Variants in RBM33 observed in about 807,000 individuals in gnomAD.
RBM33 encodes RNA binding motif protein 33.
Under a neutral mutation model 132.6 loss-of-function variants are expected in RBM33, and 28 were observed. That is an observed-to-expected ratio of 0.21 (90% CI 0.16 to 0.29). The LOEUF is 0.29. Ranked by LOEUF, RBM33 falls within the 10% of genes least tolerant of loss-of-function variation. The probability of loss-of-function intolerance (pLI) is 1.00; values close to 1 mark genes in which losing one functional copy is unlikely to be tolerated. For synonymous variants in RBM33, 634 were observed against 593.0 expected (o/e 1.07, Z -1.01); for missense variants, 1,291 against 1,518.5 (o/e 0.85, Z 2.49).
At chr7:155,735,753 A>G (rs1045545609) in intron 9 of RBM33, among the ~76,000 whole-genome samples, 3 of 151,744 alleles carry the variant, frequency 2.0e-5, no homozygotes, top group Non-Finnish European at 4.4e-5. Flanking sequence ...CTCTCTCAGG[A>G]AAAGAGATCC....
intron 3 of RBM33, among the ~76,000 whole-genome samples, chr7:155,673,411 T>TGG (rs1563137151): frequency 0.064 from 1,331 of 20,810 alleles, 27 homozygotes; most frequent in African/African-American, 0.11. Context: ...ATTGTGTGTG[T>TGG]GTGTGTGTGT....
intron 14 of RBM33, among the ~76,000 whole-genome samples, chr7:155,757,987 C>T (rs1801906627): frequency 6.6e-6 from 1 of 152,198 alleles, no homozygotes; most frequent in Non-Finnish European, 1.5e-5. Context: ...TCACAGTCAT[C>T]CGCCCCATGA....
At chr7:155,724,991 TGTG>T (rs1476790684) in intron 9 of RBM33, among the ~76,000 whole-genome samples, 107 of 51,594 alleles carry the variant, frequency 2.1e-3, no homozygotes, top group Non-Finnish European at 3.5e-3. Flanking sequence ...TGTACAGGTT[TGTG>T]TGTGTGTGTG....
At chr7:155,768,907 C>T (rs553634748) in intron 16 of RBM33, among the ~76,000 whole-genome samples, 18 of 152,232 alleles carry the variant, frequency 1.2e-4, no homozygotes, top group Non-Finnish European at 2.1e-4. Flanking sequence ...GCCACCGCAC[C>T]CGGCTGTCAC....
chr7:155,655,431 C>A (rs1563128916), intron 1 of RBM33, among the ~76,000 whole-genome samples: 1 of 150,216 alleles, frequency 6.7e-6, no homozygotes, highest in African/African-American at 2.4e-5. Context: ...CCTTTGTTCA[C>A]TAAATGATGA....
chr7:155,676,070 A>G (rs2116916107), intron 3 of RBM33, among the ~76,000 whole-genome samples: 1 of 152,188 alleles, frequency 6.6e-6, no homozygotes, highest in South Asian at 2.1e-4. Flanking sequence ...TGGCTACCTG[A>G]ACAATTTTTT....
At chr7:155,684,606 T>C (rs1347305566) in intron 5 of RBM33, among the ~76,000 whole-genome samples, 1 of 152,190 alleles carries the variant, frequency 6.6e-6, no homozygotes, top group African/African-American at 2.4e-5. Flanking sequence ...GAGCTCCTTT[T>C]TGAGAGCACA....
chr7:155,656,646 G>A (rs1585400555), intron 1 of RBM33, among the ~76,000 whole-genome samples: 1 of 152,272 alleles, frequency 6.6e-6, no homozygotes, highest in East Asian at 1.9e-4. Context: ...GAAGCAGATA[G>A]AAGAATTCAG....
At chr7:155,693,329 T>C (rs1186896491) in intron 5 of RBM33, among the ~76,000 whole-genome samples, 2 of 85,110 alleles carry the variant, frequency 2.3e-5, no homozygotes, top group African/African-American at 3.4e-5. Flanking sequence ...GTGATTTTTT[T>C]TTCTTTTTTT....
chr7:155,696,752 A>G (rs936806292), intron 5 of RBM33, among the ~76,000 whole-genome samples: 2 of 152,122 alleles, frequency 1.3e-5, no homozygotes, highest in African/African-American at 4.8e-5. Flanking sequence ...TTTTCTCTTC[A>G]TGACCTCTCA....
chr7:155,759,108 A>G (rs1305378421), intron 14 of RBM33, among the ~76,000 whole-genome samples: 3 of 152,238 alleles, frequency 2.0e-5, no homozygotes, highest in Non-Finnish European at 2.9e-5. Flanking sequence ...GAGGTATGAC[A>G]CCATCACATC....
intron 7 of RBM33, among the ~76,000 whole-genome samples, chr7:155,709,207 A>G (rs974475820): frequency 1.3e-5 from 2 of 152,170 alleles, no homozygotes; most frequent in Non-Finnish European, 2.9e-5. Flanking sequence ...AACATAATAT[A>G]TGCATAAATA....
chr7:155,724,275 T>C (rs1448502087), intron 9 of RBM33, among the ~76,000 whole-genome samples: 1 of 152,152 alleles, frequency 6.6e-6, no homozygotes, highest in Admixed American at 6.5e-5. Flanking sequence ...TGGCCAGCGC[T>C]CCCAGCACTT....
At chr7:155,695,936 G>A (rs56859857) in intron 5 of RBM33, among the ~76,000 whole-genome samples, 1,980 of 140,288 alleles carry the variant, frequency 0.014, 50 homozygotes, top group African/African-American at 0.047. Flanking sequence ...ATGTGCGCAC[G>A]TGTGTGTGTG....
chr7:155,673,940 G>GTTGTTGTTTGTTTTTGTTTTT lies in RBM33; in HGVS notation c.171+1027_171+1028insGTTGTTTGTTTTTGTTTTTTT. On this transcript the variant is annotated intron_variant, in intron 3 of 17. Transcript: ENST00000401878. ...TCATTATCAAGATAGTTTAGGCTTA[G>GTTGTTGTTTGTTTTTGTTTTT]TTTTTTTTTTTTTTTTTTTTTTTTT... Among the ~76,000 whole-genome samples the GTTGTTGTTTGTTTTTGTTTTT allele has an allele frequency of 3.5e-4, 19 of 54,214 alleles. 3 individuals carry two copies. Among genetic ancestry groups the GTTGTTGTTTGTTTTTGTTTTT allele is most frequent in the Non-Finnish European group, 4.2e-4 (13 of 30,838 alleles). 35.6% of individuals were successfully genotyped at this position (54,214 alleles called of 152,430 possible). A position where few individuals can be genotyped will look rare whatever the true frequency, so the allele number is the denominator to read the frequency against.
intron 4 of RBM33, among the ~76,000 whole-genome samples, chr7:155,679,897 T>C (rs1459362520): frequency 1.3e-5 from 2 of 152,230 alleles, no homozygotes; most frequent in East Asian, 1.9e-4. Flanking sequence ...TTGCACCTTA[T>C]TGTTTGGTAT....
At chr7:155,735,012 A>G (rs1801068803) in intron 9 of RBM33, among the ~76,000 whole-genome samples, 1 of 152,194 alleles carries the variant, frequency 6.6e-6, no homozygotes, top group South Asian at 2.1e-4. Flanking sequence ...GCAACTTACG[A>G]TGGGGTTACA....
chr7:155,700,705 C>A (rs1293189111), intron 5 of RBM33, 68 bp from the exon 6 acceptor site: 2 of 1,145,148 alleles, frequency 1.7e-6, no homozygotes, highest in African/African-American at 3.1e-5. Flanking sequence ...TTTTAGCATT[C>A]TTTAATATTT....
chr7:155,700,497 A>G (rs1428927087), intron 5 of RBM33, among the ~76,000 whole-genome samples: 1 of 151,202 alleles, frequency 6.6e-6, no homozygotes, highest in Admixed American at 6.6e-5. Context: ...ACGTGTAAGC[A>G]GCAATGATGT....
Sources: gnomAD v4.1 joint callset for allele counts (sites outside exome capture counted in the v4.1 genomes callset) on GRCh38, gnomAD v4.1.1 for gene constraint, MANE v1.5 for transcripts, NCBI Gene and HGNC (gene_info 2026-07-23, HGNC 2026-07-21) for gene names.